ST6GALNAC3: variants seen among roughly 807,000 people sequenced by gnomAD.
The protein encoded by ST6GALNAC3 is alpha-N-acetylgalactosaminide alpha-2,6-sialyltransferase 3.
ST6GALNAC3 carries 25 observed loss-of-function variants against 32.7 expected under a neutral mutation model. The ratio of observed to expected loss-of-function variants is 0.76; its 90% CI spans 0.56 to 1.07. ST6GALNAC3 has a LOEUF of 1.07. Among genes scored for constraint, ST6GALNAC3 ranks in the 50% least tolerant of loss-of-function variants. ST6GALNAC3 has a pLI of 0.00. For synonymous variants in ST6GALNAC3, 129 were observed against 133.1 expected, an observed-to-expected ratio of 0.97 and a Z score of 0.21; for missense variants, 355 against 382.4, an observed-to-expected ratio of 0.93 and a Z score of 0.60.
chr1:76,303,159 T>C (rs1660828734), intron 1 of ST6GALNAC3, among the ~76,000 whole-genome samples: 1 of 151,236 alleles, frequency 6.6e-6, no homozygotes, highest in Admixed American at 6.6e-5. Context: ...GTTACATTTC[T>C]ATGCAAACGA....
At chr1:76,462,166 C>T (rs1230937887) in intron 3 of ST6GALNAC3, among the ~76,000 whole-genome samples, 2 of 151,908 alleles carry the variant, frequency 1.3e-5, no homozygotes, top group East Asian at 3.9e-4. Context: ...TGTTGTTTAC[C>T]TCTGTATCTT....
intron 3 of ST6GALNAC3, among the ~76,000 whole-genome samples, chr1:76,438,535 T>G (rs149059092): frequency 1.3e-5 from 2 of 152,360 alleles, no homozygotes; most frequent in East Asian, 3.9e-4. Context: ...GGTTCTGCCT[T>G]TCTTATATAA....
chr1:76,223,204 G>A (rs1004704612), intron 1 of ST6GALNAC3, among the ~76,000 whole-genome samples: 76 of 152,234 alleles, frequency 5.0e-4, no homozygotes, highest in Admixed American at 7.9e-4. Context: ...GGAATACTAT[G>A]CAGCCATAAA....
intron 3 of ST6GALNAC3, among the ~76,000 whole-genome samples, chr1:76,505,721 A>G (rs963834012): frequency 1.3e-5 from 2 of 152,188 alleles, no homozygotes. Context: ...GTGTTGTATC[A>G]TATATTAAAA....
At chr1:76,100,633 G>A (rs1647202770) in intron 1 of ST6GALNAC3, among the ~76,000 whole-genome samples, 1 of 152,120 alleles carries the variant, frequency 6.6e-6, no homozygotes, top group Non-Finnish European at 1.5e-5. Context: ...AATTAGACCT[G>A]AAATTTTCCT....
intron 1 of ST6GALNAC3, among the ~76,000 whole-genome samples, chr1:76,167,166 A>G (rs1652179214): frequency 6.6e-6 from 1 of 152,168 alleles, no homozygotes; most frequent in Non-Finnish European, 1.5e-5. Flanking sequence ...ATTTTGAGGT[A>G]TATTCATTTA....
At chr1:76,108,878 G>A (rs1484927986) in intron 1 of ST6GALNAC3, among the ~76,000 whole-genome samples, 1 of 82,560 alleles carries the variant, frequency 1.2e-5, no homozygotes, top group East Asian at 2.2e-4. Context: ...GTGTGTGTGT[G>A]TGTGTGTGTG....
At chr1:76,394,517 A>T (rs1024162422) in intron 2 of ST6GALNAC3, among the ~76,000 whole-genome samples, 2 of 152,192 alleles carry the variant, frequency 1.3e-5, no homozygotes, top group Non-Finnish European at 2.9e-5. Flanking sequence ...TATAGAAAAG[A>T]TATGGCCACT....
At chr1:76,265,690 G>C (rs968727672) in intron 1 of ST6GALNAC3, among the ~76,000 whole-genome samples, 1 of 152,100 alleles carries the variant, frequency 6.6e-6, no homozygotes, top group African/African-American at 2.4e-5. Flanking sequence ...ATCAGTTTCC[G>C]TACTTAGAAA....
At chr1:76,201,110 G>T (rs1237429454) in intron 1 of ST6GALNAC3, among the ~76,000 whole-genome samples, 1 of 152,198 alleles carries the variant, frequency 6.6e-6, no homozygotes, top group Non-Finnish European at 1.5e-5. Context: ...TTCAGACTGA[G>T]AACCAGAAAG....
chr1:76,201,249 G>A (rs1398561129), intron 1 of ST6GALNAC3, among the ~76,000 whole-genome samples: 1 of 152,192 alleles, frequency 6.6e-6, no homozygotes, highest in Non-Finnish European at 1.5e-5. Context: ...GGCCAGCGAG[G>A]TCTCAATCAT....
rs115491214 is a variant in ST6GALNAC3, at chr1:76,545,134, G to A, written c.624-82318G>A. On this transcript the variant is annotated intron_variant, in intron 3 of 4. Coordinates refer to ENST00000328299, the MANE Select transcript of ST6GALNAC3 (RefSeq NM_152996.4). ...GAAAGTCTTGTCCACATCCAGCCTC[G>A]CCTCACCTCTTAGATTTTCCAAGCT... Among the ~76,000 whole-genome samples, 973 of 152,142 alleles carry A rather than the reference G, an allele frequency of 6.4e-3. 9 individuals are homozygous for A. The Middle Eastern group carries it at 0.071, about 11-fold the overall frequency.
intron 1 of ST6GALNAC3, chr1:76,313,529 C>G (rs1054864175): frequency 2.1e-6 from 1 of 469,800 alleles, no homozygotes; most frequent in African/African-American, 2.0e-5. Context: ...GTTTTGCAAA[C>G]TGAATAGGAG....
intron 1 of ST6GALNAC3, among the ~76,000 whole-genome samples, chr1:76,279,530 G>A (rs893211815): frequency 3.3e-5 from 5 of 152,240 alleles, no homozygotes; most frequent in Non-Finnish European, 7.3e-5. Context: ...CGGGAAAGAG[G>A]AGCCTTTGTG....
At chr1:76,627,605 C>T (rs765137786) in intron 4 of ST6GALNAC3, 46 bp downstream of exon 4, 2 of 1,338,376 alleles carry the variant, frequency 1.5e-6, no homozygotes, top group Non-Finnish European at 1.1e-6. Context: ...ATTCGGAGAT[C>T]TTGTCAAAAT....
intron 3 of ST6GALNAC3, among the ~76,000 whole-genome samples, chr1:76,501,020 G>C (rs535641811): frequency 1.2e-4 from 19 of 152,280 alleles, no homozygotes; most frequent in East Asian, 9.6e-4. Flanking sequence ...CTAAGGTAGT[G>C]GGGGGAAGAC....
At chr1:76,242,855 C>T (rs1174650076) in intron 1 of ST6GALNAC3, among the ~76,000 whole-genome samples, 1 of 152,114 alleles carries the variant, frequency 6.6e-6, no homozygotes, top group Non-Finnish European at 1.5e-5. Flanking sequence ...ATTCCATCAT[C>T]AGTGGGCATT....
At chr1:76,101,039 A>G (rs890504639) in intron 1 of ST6GALNAC3, among the ~76,000 whole-genome samples, 3 of 152,122 alleles carry the variant, frequency 2.0e-5, no homozygotes, top group African/African-American at 7.2e-5. Context: ...CCCAAAGTCC[A>G]TAGTTTATAC....
chr1:76,109,487 A>T (rs957605343), intron 1 of ST6GALNAC3, among the ~76,000 whole-genome samples: 2 of 152,228 alleles, frequency 1.3e-5, no homozygotes, highest in African/African-American at 4.8e-5. Flanking sequence ...GCAATATTCC[A>T]TTCAAAGGAA....
Sources: allele counts gnomAD v4.1 joint callset (sites outside exome capture counted in the v4.1 genomes callset), GRCh38; gene constraint gnomAD v4.1.1; transcripts MANE v1.5; gene names NCBI Gene and HGNC (gene_info 2026-07-23, HGNC 2026-07-21).